TPSG1: variants seen among roughly 807,000 people sequenced by gnomAD.
TPSG1 encodes the protein tryptase gamma.
Under a neutral mutation model 23.8 loss-of-function variants are expected in TPSG1, and 43 were observed. The ratio of observed to expected loss-of-function variants is 1.81; its 90% CI spans 1.42 to 2.33. The LOEUF (loss-of-function observed/expected upper bound fraction) is 2.33. Among genes scored for constraint, TPSG1 ranks in the 30% most tolerant of loss-of-function variants. TPSG1 has a pLI of 0.00. For synonymous variants in TPSG1, 302 were observed against 201.3 expected (o/e 1.50, Z -4.23); for missense variants, 623 against 438.6 (o/e 1.42, Z -3.75).
At chr16:1,223,293 C>A in intron 3 of TPSG1, 130 bp downstream of exon 3, 1 of 1,231,216 alleles carries the variant, frequency 8.1e-7, no homozygotes, top group Non-Finnish European at 1.1e-6. Flanking sequence ...CCTCCCTTTC[C>A]ATTGGAAGGA....
chr16:1,222,977 GCCCCGCCCAGA>G, intron 3 of TPSG1, 60 bp from the exon 4 acceptor site: 1 of 1,516,526 alleles, frequency 6.6e-7, no homozygotes, highest in Non-Finnish European at 8.9e-7. Flanking sequence ...GTCAGTGTCG[GCCCCGCCCAGA>G]CCCTACCCTT....
rs2029905619 is a variant in TPSG1 at position 1,223,032 on chromosome 16, G to A, written c.246-115C>T. On this transcript the variant is annotated intron_variant, in intron 3 of 5. Transcript: ENST00000234798. ...CCGAAGCCCAGCTCTTCCCTCCTAG[G>A]CTTGGGACGCAGAAAGCCTGGGCAG... 6.1e-6 allele frequency: 8 copies of A among 1,307,928 alleles called. No homozygotes were observed. In the East Asian group the frequency reaches 1.3e-4, roughly 21 times the overall value. The allele number at this position is 1,307,928 out of a possible 1,614,324, so 81.0% of individuals were successfully genotyped here.
chr16:1,223,612 G>A lies in TPSG1; in HGVS notation c.74-18C>T. The A allele has an allele frequency of 6.5e-7, 1 of 1,531,672 alleles. No individual in the cohort carries two copies. Among genetic ancestry groups the A allele is most frequent in the Admixed American group, 2.1e-5 (1 of 47,366 alleles). 94.9% of individuals were successfully genotyped at this position (1,531,672 alleles called of 1,614,324 possible). On this transcript the variant is annotated intron_variant, in intron 2 of 5. Coordinates refer to ENST00000234798, the MANE Select transcript of TPSG1 (RefSeq NM_012467.4). ...GCCACACCCTAAGTCGAAGGAGGAA[G>A]GGGTGCCTGGTGGGGATCCCAAGAA... is the stretch of plus-strand genomic sequence containing the variant.
In TPSG1 at chr16:1,225,089, CA is replaced by C. The variant is rs1488233164; in HGVS notation, c.46+117del. ...TCTTCAGAGGAGACACGGGGCCCCACAGGGTGGGGACTCAGCATGTTTCTCC... is the reference window on the plus strand; with the variant it reads ...TCTTCAGAGGAGACACGGGGCCCCACGGGTGGGGACTCAGCATGTTTCTCC... On this transcript the variant is annotated intron_variant, in intron 1 of 5. Coordinates refer to ENST00000234798, the MANE Select transcript of TPSG1 (RefSeq NM_012467.4). 3.2e-4 allele frequency: 426 copies of C among 1,333,794 alleles called. 7 individuals are homozygous for C. In the South Asian group the frequency reaches 4.8e-3, roughly 15 times the overall value. The allele number at this position is 1,333,794 out of a possible 1,614,324, so 82.6% of individuals were successfully genotyped here. A position where few individuals can be genotyped will look rare whatever the true frequency, so the allele number is the denominator to read the frequency against.
chr16:1,221,779 T>C lies in TPSG1; in HGVS notation c.*9A>G, dbSNP rs1183793055. 9.4e-6 allele frequency: 15 copies of C among 1,591,062 alleles called. No homozygotes were observed. The highest frequency in any genetic ancestry group is 1.2e-5 in the Non-Finnish European group (14 of 1,167,326). The stretch of plus-strand genomic sequence containing the variant: ...AACTTATTTAAGAAATGCACTTGGA[T>C]TCCTGCCATCAGTCAGGGGCGGGGA... On this transcript the variant is annotated 3_prime_UTR_variant, in exon 6 of 6. Coordinates refer to ENST00000234798, the MANE Select transcript of TPSG1 (RefSeq NM_012467.4).
rs1209986180 is a variant in TPSG1, at chr16:1,222,183, C to T, written c.657+13G>A. The T allele has an allele frequency of 1.2e-6, 2 of 1,611,256 alleles. No homozygotes were observed. Among genetic ancestry groups the T allele is most frequent in the South Asian group, 1.1e-5 (1 of 91,062 alleles). The stretch of plus-strand genomic sequence containing the variant: ...AGCCGCCCCCATCCTCTGTCACGGC[C>T]TGGCAGGCTCACCTGGCAGGCATCC... On this transcript the variant is annotated intron_variant, in intron 5 of 5. Transcript: ENST00000234798.
chr16:1,223,948 GC>G, intron 2 of TPSG1: 1 of 305,970 alleles, frequency 3.3e-6, no homozygotes, highest in Non-Finnish European at 5.9e-6. Context: ...TGCCTAGTGG[GC>G]CCCGGTTTTC....
In TPSG1 at chr16:1,222,928, A is replaced by C; in HGVS notation, c.246-11T>G. The stretch of plus-strand genomic sequence containing the variant: ...GATGAGTTCAGGGACCTGGGAGGGA[A>C]GGTGGCTGGGTGAGAGGGGCCAGCT... On this transcript the variant is annotated splice_polypyrimidine_tract_variant and intron_variant, in intron 3 of 5. Transcript: ENST00000234798. 1.3e-6 allele frequency: 2 copies of C among 1,587,738 alleles called. No individual in the cohort carries two copies. The highest frequency in any genetic ancestry group is 8.6e-7 in the Non-Finnish European group (1 of 1,163,346).
At chr16:1,224,562 C>T (rs753547925) in intron 2 of TPSG1, 40 bp downstream of exon 2, 4 of 1,613,118 alleles carry the variant, frequency 2.5e-6, no homozygotes, top group East Asian at 2.2e-5. Flanking sequence ...CAGGCCTTGC[C>T]TGCACCCTCC....
chr16:1,224,824 A>G, intron 1 of TPSG1, 196 bp from the exon 2 acceptor site: 2 of 673,598 alleles, frequency 3.0e-6, no homozygotes, highest in Non-Finnish European at 5.1e-6. Flanking sequence ...ACAGGCCATA[A>G]ACGGCAGCTG....
intron 2 of TPSG1, chr16:1,223,976 G>T: frequency 4.0e-6 from 1 of 251,404 alleles, no homozygotes; most frequent in Non-Finnish European, 7.5e-6. Context: ...GGGTGGTGGA[G>T]ATATTCGAAG....
rs756016062 is a variant in TPSG1, at chr16:1,222,663, G to A, written c.500C>T (p.Thr167Met). 42 of 1,561,542 alleles carry A rather than the reference G, an allele frequency of 2.7e-5. No individual in the cohort carries two copies. Among genetic ancestry groups the A allele is most frequent in the South Asian group, 2.4e-4 (20 of 84,178 alleles). ...IRCWVTGWGY[T>M]REGEPLPPPY... is the part of the protein sequence containing the mutation. Reference sequence around the variant, plus strand: ...CGGGGGCTCCTCACCTCCCTCCCGCGTATAGCCCCAGCCGGTCACCCAGCA... The same window carrying A: ...CGGGGGCTCCTCACCTCCCTCCCGCATATAGCCCCAGCCGGTCACCCAGCA... The change falls in exon 4 of 6, where the codon ACG becomes ATG. Residue 167 changes from threonine to methionine, a missense_variant. Thr to Met is a moderately conservative substitution (Grantham distance 81, BLOSUM62 -1). Coordinates refer to ENST00000234798, the MANE Select transcript of TPSG1 (RefSeq NM_012467.4).
At chr16:1,224,678 G>T (rs767816962) in intron 1 of TPSG1, 50 bp from the exon 2 acceptor site, 34 of 1,612,466 alleles carry the variant, frequency 2.1e-5, no homozygotes, top group Non-Finnish European at 2.8e-5. Flanking sequence ...CAAGGAGAGG[G>T]GTGTGCGGGC....
In TPSG1 at chr16:1,224,571, C is replaced by G. The variant is rs781492634; in HGVS notation, c.73+31G>C. 9 of 1,613,420 alleles carry G rather than the reference C, an allele frequency of 5.6e-6. No homozygotes were observed. In the South Asian group the frequency reaches 8.8e-5, roughly 16 times the overall value. ...TCCTGCCAGGCCTTGCCTGCACCCT[C>G]CCCCACACCCCACACCTGTCAGAGA... On this transcript the variant is annotated intron_variant, in intron 2 of 5. Coordinates refer to ENST00000234798, the MANE Select transcript of TPSG1 (RefSeq NM_012467.4).
In TPSG1 at chr16:1,222,861, G is replaced by A. The variant is rs745620040; in HGVS notation, c.302C>T (p.Ser101Phe). ...CTGCCTCACGGTGGAGAAGTGGGGA[G>A]ACAGAGTGATCTCCAGTTCCCCCAG... ...VHLGELEITL[S>F]PHFSTVRQII... Residue 101 changes from serine (S) to phenylalanine (F), a missense_variant, in exon 4 of 6, where the codon TCT becomes TTT. By Grantham distance (155) the Ser-to-Phe change is radical. Transcript: ENST00000234798. 3 of 1,610,822 alleles carry A rather than the reference G, an allele frequency of 1.9e-6. No individual in the cohort carries two copies. The highest frequency in any genetic ancestry group is 1.7e-6 in the Non-Finnish European group (2 of 1,179,222).
Position 1,222,109 on chromosome 16 carries a change from A to T in TPSG1, c.658-13T>A. 1 of 1,612,610 alleles carries T rather than the reference A, an allele frequency of 6.2e-7. No individual in the cohort carries two copies. Among genetic ancestry groups the T allele is most frequent in the East Asian group, 2.2e-5 (1 of 44,858 alleles). On this transcript the variant is annotated splice_polypyrimidine_tract_variant and intron_variant, in intron 5 of 5. Coordinates refer to ENST00000234798, the MANE Select transcript of TPSG1 (RefSeq NM_012467.4). ...CCCCGGAGTCGTCCTGAGGACAGAG[A>T]AGGCGAGCATTGGGAGCCGAGAAGA...
intron 2 of TPSG1, 95 bp downstream of exon 2, chr16:1,224,507 C>A (rs1193751592): frequency 6.5e-7 from 1 of 1,538,282 alleles, no homozygotes; most frequent in African/African-American, 1.4e-5. Context: ...CCCCGGGCCC[C>A]CATTGGGACC....
intron 4 of TPSG1, 104 bp from the exon 5 acceptor site, chr16:1,222,445 C>T (rs1337857780): frequency 1.6e-5 from 20 of 1,246,254 alleles, no homozygotes; most frequent in South Asian, 7.2e-5. Context: ...CCACGACCCT[C>T]GTCACGGCAC....
chr16:1,222,971 GT>G, intron 3 of TPSG1, 54 bp from the exon 4 acceptor site: 1 of 1,537,330 alleles, frequency 6.5e-7, no homozygotes. Context: ...CTGGAGGTCA[GT>G]GTCGGCCCCG....
Sources: gnomAD v4.1 joint callset for allele counts on GRCh38, gnomAD v4.1.1 for gene constraint, MANE v1.5 for transcripts, NCBI Gene and HGNC (gene_info 2026-07-23, HGNC 2026-07-21) for gene names.